The following SLC12A2 variants were observed in gnomAD, a reference collection of about 807,000 sequenced individuals.
The protein encoded by SLC12A2 is solute carrier family 12 member 2, also known as Na-K-2Cl cotransporter 1.
Under a neutral mutation model 136.3 loss-of-function variants are expected in SLC12A2, and 67 were observed. That is an observed-to-expected ratio of 0.49 (90% CI 0.40 to 0.60). The LOEUF (loss-of-function observed/expected upper bound fraction) is 0.60, where lower values mean the gene tolerates loss of function less well. Among genes scored for constraint, SLC12A2 ranks in the 20% least tolerant of loss-of-function variants. SLC12A2 has a pLI of 0.00. For missense variants in SLC12A2, 1,322 were observed against 1,534.7 expected, an observed-to-expected ratio of 0.86 and a Z score of 2.32; for synonymous variants, 619 against 562.9, an observed-to-expected ratio of 1.10 and a Z score of -1.41.
At chr5:128,173,422 T>G (rs983739601) in intron 19 of SLC12A2, among the ~76,000 whole-genome samples, 3 of 152,222 alleles carry the variant, frequency 2.0e-5, no homozygotes, top group African/African-American at 7.2e-5. Context: ...TTACTGAAGT[T>G]TGAATGTGAT....
At chr5:128,119,915 A>G (rs1761491363) in intron 4 of SLC12A2, among the ~76,000 whole-genome samples, 1 of 152,200 alleles carries the variant, frequency 6.6e-6, no homozygotes, top group South Asian at 2.1e-4. Flanking sequence ...ATCAGAGTGA[A>G]CAGGCAACCT....
At chr5:128,101,943 T>A (rs545898726) in intron 1 of SLC12A2, among the ~76,000 whole-genome samples, 131 of 152,318 alleles carry the variant, frequency 8.6e-4, no homozygotes, top group African/African-American at 3.0e-3. Context: ...TCCTTTTTTT[T>A]AAAGTCTTTT....
At chr5:128,146,740 T>G (rs1041273946) in intron 10 of SLC12A2, among the ~76,000 whole-genome samples, 1 of 151,724 alleles carries the variant, frequency 6.6e-6, no homozygotes, top group African/African-American at 2.4e-5. Context: ...GCTGGAAATA[T>G]TTCCACATTT....
At chr5:128,137,113 CACA>C (rs1762213338) in intron 7 of SLC12A2, among the ~76,000 whole-genome samples, 1 of 152,188 alleles carries the variant, frequency 6.6e-6, no homozygotes, top group East Asian at 1.9e-4. Context: ...CCATTGTCCA[CACA>C]ACATTAATAG....
chr5:128,097,891 T>G (rs1760602885), intron 1 of SLC12A2, among the ~76,000 whole-genome samples: 1 of 152,098 alleles, frequency 6.6e-6, no homozygotes, highest in African/African-American at 2.4e-5. Flanking sequence ...ACAAGTTCTC[T>G]TAGTTTTTTT....
At chr5:128,156,348 G>C (rs1412421349) in intron 15 of SLC12A2, among the ~76,000 whole-genome samples, 2 of 151,808 alleles carry the variant, frequency 1.3e-5, no homozygotes, top group East Asian at 3.9e-4. Context: ...AGATATTTTT[G>C]TGGTTTGTGC....
rs1763924996 is a variant in SLC12A2, at chr5:128,188,146, AAAGGT to A, written c.*1516_*1520del. 6.6e-6 allele frequency: 1 copy of A among 152,216 alleles called. No homozygotes were observed. Among genetic ancestry groups the A allele is most frequent in the Admixed American group, 6.5e-5 (1 of 15,288 alleles). 9.4% of individuals were successfully genotyped at this position (152,216 alleles called of 1,614,324 possible). A position where few individuals can be genotyped will look rare whatever the true frequency, so the allele number is the denominator to read the frequency against. ...AACAGATACAGGTTTCATAGAGAACAAAGGTGATCATTTGAAGGGCATGCTGTAAT... is the reference window on the plus strand; with the variant it reads ...AACAGATACAGGTTTCATAGAGAACAGATCATTTGAAGGGCATGCTGTAAT... On this transcript the variant is annotated 3_prime_UTR_variant, in exon 27 of 27. Coordinates refer to ENST00000262461, the MANE Select transcript of SLC12A2 (RefSeq NM_001046.3).
chr5:128,112,922 A>G lies in SLC12A2; in HGVS notation c.865A>G (p.Lys289Glu). 6.2e-7 allele frequency: 1 copy of G among 1,611,402 alleles called. No individual in the cohort carries two copies. The highest frequency in any genetic ancestry group is 1.3e-5 in the African/African-American group (1 of 74,890). ...AGGAGTCGTGAAGTTTGGCTGGATC[A>G]AGGGTGTATTAGTATGTATATATAG... ...SKGVVKFGWI[K>E]GVLVRCMLNI... Residue 289 changes from lysine to glutamate, a missense_variant, in exon 2 of 27, where the codon AAG (lysine) becomes GAG (glutamate). Transcript: ENST00000262461.
intron 10 of SLC12A2, among the ~76,000 whole-genome samples, chr5:128,144,685 G>A (rs940429689): frequency 2.0e-5 from 3 of 152,082 alleles, no homozygotes; most frequent in Non-Finnish European, 2.9e-5. Flanking sequence ...GGCACTGAGT[G>A]TGTTTGTACA....
intron 1 of SLC12A2, among the ~76,000 whole-genome samples, chr5:128,096,299 A>G (rs1206901323): frequency 6.6e-6 from 1 of 152,150 alleles, no homozygotes. Flanking sequence ...TAAGAGTCCT[A>G]TTCAAATGCT....
In SLC12A2 at chr5:128,140,706, C is replaced by G. The variant is rs559723827; in HGVS notation, c.1622-1124C>G. On this transcript the variant is annotated intron_variant, in intron 9 of 26. Transcript: ENST00000262461. ...CTCAAAGAAGTGGAACCTTCCCCCCCCAAAAAATTTCAGGCATAGACTATC... is the reference window on the plus strand; with the variant it reads ...CTCAAAGAAGTGGAACCTTCCCCCCGCAAAAAATTTCAGGCATAGACTATC... 7.4e-4 allele frequency among the ~76,000 whole-genome samples: 111 copies of G among 150,320 alleles called. 3 individuals carry two copies. The highest frequency in any genetic ancestry group is 2.2e-3 in the African/African-American group (88 of 39,806).
chr5:128,132,713 C>T lies in SLC12A2; in HGVS notation c.1189-1452C>T, dbSNP rs540833560. 3.9e-5 allele frequency among the ~76,000 whole-genome samples: 6 copies of T among 152,168 alleles called. No homozygotes were observed. In the South Asian group the frequency reaches 6.2e-4, roughly 16 times the overall value. On this transcript the variant is annotated intron_variant, in intron 5 of 26. Transcript: ENST00000262461. ...AAAATCTGACAAGGATTGACACCTG[C>T]GTTGACATTGACCTTTACATGTTTA...
At chr5:128,181,750 C>G (rs1407266636) in intron 23 of SLC12A2, among the ~76,000 whole-genome samples, 2 of 152,090 alleles carry the variant, frequency 1.3e-5, no homozygotes, top group Non-Finnish European at 2.9e-5. Flanking sequence ...CTGTTTCCCC[C>G]AGTGTTTCAG....
chr5:128,124,708 T>A (rs1761717523), intron 4 of SLC12A2, among the ~76,000 whole-genome samples: 1 of 151,584 alleles, frequency 6.6e-6, no homozygotes, highest in Non-Finnish European at 1.5e-5. Flanking sequence ...CACGATTGAT[T>A]AAATCATTGG....
rs1170586982 is a variant in SLC12A2 at position 128,151,306 on chromosome 5, A to G, written c.2173A>G (p.Ile725Val). 2.5e-6 allele frequency: 4 copies of G among 1,612,880 alleles called. No individual in the cohort carries two copies. The highest frequency in any genetic ancestry group is 3.3e-5 in the Admixed American group (2 of 59,802). Residue 725 changes from isoleucine to valine, a missense_variant, in exon 14 of 27, where the codon ATA (isoleucine) becomes GTA (valine). Around this residue, in one of 8 missense-constraint regions of SLC12A2, gnomAD observed 294 missense variants for 436.6 expected, o/e 0.67. Transcript: ENST00000262461. ...ISLLGAILCC[I>V]VMFVINWWAA... ...ACTTCTTGGAGCAATTCTTTGTTGC[A>G]TAGTAATGTTCGTCATTAACTGGTG...
intron 1 of SLC12A2, among the ~76,000 whole-genome samples, chr5:128,093,588 T>C (rs1760417280): frequency 6.6e-6 from 1 of 152,156 alleles, no homozygotes; most frequent in African/African-American, 2.4e-5. Context: ...ACTGCAAAAG[T>C]GAGAAACCTA....
chr5:128,184,786 C>T lies in SLC12A2; in HGVS notation c.3436-3C>T. On this transcript the variant is annotated splice_region_variant and splice_polypyrimidine_tract_variant and intron_variant, in intron 25 of 26. Coordinates refer to ENST00000262461, the MANE Select transcript of SLC12A2 (RefSeq NM_001046.3). ...TAGGAATGACTGTCCTGTTTCATTT[C>T]AGACATACCGGCAGATCAGGTTAAA... 1 of 1,610,858 alleles carries T rather than the reference C, an allele frequency of 6.2e-7. No individual in the cohort carries two copies. Among genetic ancestry groups the T allele is most frequent in the East Asian group, 2.2e-5 (1 of 44,708 alleles).
intron 13 of SLC12A2, among the ~76,000 whole-genome samples, chr5:128,150,411 A>G (rs1027950328): frequency 2.0e-5 from 3 of 151,812 alleles, no homozygotes; most frequent in Non-Finnish European, 4.4e-5. Context: ...GAACATCATT[A>G]TGATATAGTT....
intron 9 of SLC12A2, among the ~76,000 whole-genome samples, chr5:128,139,690 T>C (rs180960066): frequency 3.4e-4 from 52 of 152,324 alleles, no homozygotes; most frequent in Middle Eastern, 3.4e-3. Flanking sequence ...AGTTTACATA[T>C]GGTTTGCATT....
Sources: gnomAD v4.1 joint callset for allele counts (sites outside exome capture counted in the v4.1 genomes callset) on GRCh38, gnomAD v4.1.1 for gene constraint, gnomAD v4.1.1 regional missense constraint, MANE v1.5 for transcripts, NCBI Gene and HGNC (gene_info 2026-07-23, HGNC 2026-07-21) for gene names.